Variants in TMA16 observed in about 807,000 individuals in gnomAD.
TMA16 encodes the protein translation machinery-associated protein 16.
In TMA16, 26 loss-of-function variants were observed where a neutral mutation model predicts 27.1. The observed-to-expected ratio is 0.96, with a 90% CI of 0.70 to 1.33. The LOEUF (loss-of-function observed/expected upper bound fraction) is 1.33. TMA16 is among the 40% of genes most tolerant of loss of function. The pLI is 0.00. For synonymous variants in TMA16, 71 were observed against 81.9 expected, an observed-to-expected ratio of 0.87 and a Z score of 0.72; for missense variants, 233 against 241.4, an observed-to-expected ratio of 0.97 and a Z score of 0.23.
At chr4:163,508,861 T>C (rs924048681) in intron 2 of TMA16, among the ~76,000 whole-genome samples, 1 of 152,220 alleles carries the variant, frequency 6.6e-6, no homozygotes, top group Non-Finnish European at 1.5e-5. Flanking sequence ...ATTAGCGTTA[T>C]AGAAAAATTA....
intron 1 of TMA16, among the ~76,000 whole-genome samples, chr4:163,499,707 A>G (rs921062166): frequency 6.5e-4 from 98 of 151,802 alleles, no homozygotes; most frequent in African/African-American, 2.2e-3. Context: ...TAGTGATTAT[A>G]TTGTTTTTTA....
At chr4:163,515,725 G>T (rs1416376890) in intron 5 of TMA16, 1 of 285,852 alleles carries the variant, frequency 3.5e-6, no homozygotes, top group East Asian at 7.1e-5. Context: ...CATTGATCTT[G>T]TCAACCCTAA....
intron 1 of TMA16, among the ~76,000 whole-genome samples, chr4:163,502,356 C>T (rs138952805): frequency 2.0e-5 from 3 of 152,298 alleles, no homozygotes; most frequent in East Asian, 1.9e-4. Context: ...GCCCATTGTA[C>T]AGTACAAAGT....
chr4:163,509,680 C>G (rs1182494168), intron 2 of TMA16, among the ~76,000 whole-genome samples: 1 of 152,168 alleles, frequency 6.6e-6, no homozygotes, highest in African/African-American at 2.4e-5. Flanking sequence ...CAAGCATATT[C>G]TTTATCTTCA....
Position 163,507,057 on chromosome 4 carries a change from G to A in TMA16, c.28G>A (p.Ala10Thr), listed in dbSNP as rs760540547. 16 of 1,592,412 alleles carry A rather than the reference G, an allele frequency of 1.0e-5. No homozygotes were observed. Among genetic ancestry groups the A allele is most frequent in the African/African-American group, 1.3e-5 (1 of 74,520 alleles). Reference protein sequence around the residue: MPKAPKGKSAGREKKVIHPY... With the variant: MPKAPKGKSTGREKKVIHPY... ...GCCCAAAGCACCAAAGGGAAAAAGT[G>A]CAGGACGGGAAAAAAAAGTCATCCA... Residue 10 changes from alanine to threonine, a missense_variant, in exon 2 of 7, where the codon GCA becomes ACA. Ala to Thr is a moderately conservative substitution (Grantham distance 58). Transcript: ENST00000358572.
At chr4:163,495,036 C>T (rs1305967891) in intron 1 of TMA16, among the ~76,000 whole-genome samples, 4 of 152,236 alleles carry the variant, frequency 2.6e-5, no homozygotes, top group Admixed American at 2.0e-4. Flanking sequence ...CACACGTCGC[C>T]TTGCTCCTCT....
In TMA16 at chr4:163,515,364, T is replaced by C. The variant is rs1737860701; in HGVS notation, c.291T>C (p.Ser97=). 6.2e-7 allele frequency: 1 copy of C among 1,613,964 alleles called. No homozygotes were observed. The highest frequency in any genetic ancestry group is 2.2e-5 in the East Asian group (1 of 44,866). The part of the protein sequence containing the change: ...SELEQIELHN[S]IRDRQGRRHC... ...TGGAGCAGATTGAGTTACATAACAG[T>C]ATCAGGGACAGGCAGGGGAGGCGGC... Residue 97 remains serine, a synonymous_variant, in exon 5 of 7, where the codon AGT becomes AGC. Transcript: ENST00000358572.
At chr4:163,494,825 C>T (rs376731479) in intron 1 of TMA16, 21 bp downstream of exon 1, 18 of 1,611,194 alleles carry the variant, frequency 1.1e-5, no homozygotes, top group Non-Finnish European at 1.5e-5. Flanking sequence ...TCCTGCTCCC[C>T]CGAACCGCTC....
At chr4:163,514,263 G>A (rs1425024711) in intron 4 of TMA16, 105 bp downstream of exon 4, 11 of 868,408 alleles carry the variant, frequency 1.3e-5, no homozygotes, top group African/African-American at 1.7e-5. Context: ...GAGCAAATGG[G>A]CTTTGTTATC....
intron 4 of TMA16, 136 bp from the exon 5 acceptor site, chr4:163,515,177 T>G: frequency 1.2e-6 from 1 of 855,976 alleles, no homozygotes; most frequent in Non-Finnish European, 1.7e-6. Flanking sequence ...TAAAAGAGGT[T>G]TGAGGACCTG....
intron 1 of TMA16, among the ~76,000 whole-genome samples, chr4:163,503,725 G>A (rs1737680135): frequency 6.6e-6 from 1 of 152,134 alleles, no homozygotes; most frequent in Non-Finnish European, 1.5e-5. Flanking sequence ...CATAGGCATA[G>A]ATATTCAAAA....
intron 1 of TMA16, among the ~76,000 whole-genome samples, chr4:163,498,286 ATTTTTTTTT>A (rs10608478): frequency 2.4e-5 from 3 of 125,694 alleles, no homozygotes; most frequent in Non-Finnish European, 3.4e-5. Flanking sequence ...TGGTTAAAAG[ATTTTTTTTT>A]TTTTTTTTTT....
rs1579015795 is a variant in TMA16 at position 163,504,762 on chromosome 4, G to A, written c.4-2271G>A. ...ATTCCACCTGCCTCAGCCTCCCAGAGTGCTGGGATTACAGGCATGAGCCAC... is the reference window on the plus strand; with the variant it reads ...ATTCCACCTGCCTCAGCCTCCCAGAATGCTGGGATTACAGGCATGAGCCAC... On this transcript the variant is annotated intron_variant, in intron 1 of 6. Transcript: ENST00000358572. Among the ~76,000 whole-genome samples the A allele has an allele frequency of 2.6e-5, 4 of 152,276 alleles. No individual in the cohort carries two copies. In the South Asian group the frequency reaches 6.2e-4, roughly 24 times the overall value.
At chr4:163,510,702 G>A (rs1737780498) in intron 2 of TMA16, among the ~76,000 whole-genome samples, 2 of 152,106 alleles carry the variant, frequency 1.3e-5, no homozygotes, top group Admixed American at 1.3e-4. Context: ...ATCAGAGGTC[G>A]GCAAGCTAAG....
chr4:163,515,295 C>G lies in TMA16; in HGVS notation c.240-18C>G. On this transcript the variant is annotated intron_variant, in intron 4 of 6. Coordinates refer to ENST00000358572, the MANE Select transcript of TMA16 (RefSeq NM_018352.3). ...CATATACTTTGTATGTAACACAAATCATTTTCGTATTTTTCAGGTACTTAA... is the reference window on the plus strand; with the variant it reads ...CATATACTTTGTATGTAACACAAATGATTTTCGTATTTTTCAGGTACTTAA... 1 of 1,598,436 alleles carries G rather than the reference C, an allele frequency of 6.3e-7. No individual in the cohort carries two copies. The highest frequency in any genetic ancestry group is 8.5e-7 in the Non-Finnish European group (1 of 1,173,764).
chr4:163,507,952 T>C lies in TMA16; in HGVS notation c.116+807T>C, dbSNP rs138838618. 9.0e-3 allele frequency among the ~76,000 whole-genome samples: 1,362 copies of C among 152,134 alleles called. 23 individuals carry two copies. The highest frequency in any genetic ancestry group is 0.03 in the African/African-American group (1,258 of 41,500). On this transcript the variant is annotated intron_variant, in intron 2 of 6. Coordinates refer to ENST00000358572, the MANE Select transcript of TMA16 (RefSeq NM_018352.3). ...TTGATTCTTTGCTTAAGATAAGCTT[T>C]ATATAGTAAAGGTTACCTGTTTCAC... is the stretch of plus-strand genomic sequence containing the variant.
In TMA16 at chr4:163,507,163, A is replaced by G; in HGVS notation, c.116+18A>G. 6.5e-7 allele frequency: 1 copy of G among 1,547,186 alleles called. No homozygotes were observed. Among genetic ancestry groups the G allele is most frequent in the South Asian group, 1.2e-5 (1 of 83,936 alleles). ...AAGGAAAAGTAAGTATCTTTTCATC[A>G]TTTGTATTACTCGTTGGTAAAAAGC... On this transcript the variant is annotated intron_variant, in intron 2 of 6. Transcript: ENST00000358572.
At chr4:163,507,608 G>C (rs916073872) in intron 2 of TMA16, among the ~76,000 whole-genome samples, 5 of 152,024 alleles carry the variant, frequency 3.3e-5, no homozygotes, top group African/African-American at 1.2e-4. Context: ...ATTTGGGAGC[G>C]ATCAGCATCC....
chr4:163,515,362 A>G lies in TMA16; in HGVS notation c.289A>G (p.Ser97Gly). The G allele has an allele frequency of 6.2e-7, 1 of 1,613,920 alleles. No homozygotes were observed. The change falls in exon 5 of 7, where the codon AGT becomes GGT. Residue 97 changes from serine (S) to glycine (G), a missense_variant. Ser to Gly is a moderately conservative substitution (Grantham distance 56). Transcript: ENST00000358572. ...SELEQIELHN[S>G]IRDRQGRRHC... ...GCTGGAGCAGATTGAGTTACATAACAGTATCAGGGACAGGCAGGGGAGGCG... is the reference window on the plus strand; with the variant it reads ...GCTGGAGCAGATTGAGTTACATAACGGTATCAGGGACAGGCAGGGGAGGCG...
Sources: allele counts gnomAD v4.1 joint callset (sites outside exome capture counted in the v4.1 genomes callset), GRCh38; gene constraint gnomAD v4.1.1; transcripts MANE v1.5; gene names NCBI Gene and HGNC (gene_info 2026-07-23, HGNC 2026-07-21).